ARID1B: variants seen among roughly 807,000 people sequenced by gnomAD.
The protein encoded by ARID1B is AT-rich interactive domain-containing protein 1B.
A neutral mutation model predicts 212.3 loss-of-function variants in ARID1B; 30 were observed. That is an observed-to-expected ratio of 0.14 (90% CI 0.11 to 0.19). The LOEUF is 0.19. Ranked by LOEUF, ARID1B falls within the 10% of genes least tolerant of loss-of-function variation. The pLI, the probability that ARID1B is intolerant of heterozygous loss-of-function variation, is 1.00. For synonymous variants in ARID1B, 1,402 were observed against 1,301.7 expected, an observed-to-expected ratio of 1.08 and a Z score of -1.66; for missense variants, 2,891 against 3,204.0, an observed-to-expected ratio of 0.90 and a Z score of 2.36.
chr6:157,170,616 C>T lies in ARID1B; in HGVS notation c.3236-3392C>T, dbSNP rs1291080458. On this transcript the variant is annotated intron_variant, in intron 9 of 19. Coordinates refer to ENST00000636930, the MANE Select transcript of ARID1B (RefSeq NM_001374828.1). The stretch of plus-strand genomic sequence containing the variant: ...GCCAAAGTATGTGGATGGCTCCAGA[C>T]TCTGTAGGTGGCTGGGGGAGCTGGT... 2.0e-5 allele frequency among the ~76,000 whole-genome samples: 3 copies of T among 152,188 alleles called. No individual in the cohort carries two copies. In the East Asian group the frequency reaches 5.8e-4, roughly 29 times the overall value.
chr6:157,120,682 G>A (rs1787648714), intron 6 of ARID1B, among the ~76,000 whole-genome samples: 1 of 152,216 alleles, frequency 6.6e-6, no homozygotes, highest in African/African-American at 2.4e-5. Context: ...GGCGTGGTAT[G>A]TAACCGTGGC....
intron 6 of ARID1B, among the ~76,000 whole-genome samples, chr6:157,114,523 CAAAAAAAAAAA>C (rs111845551): frequency 2.0e-4 from 10 of 50,412 alleles, no homozygotes; most frequent in African/African-American, 2.7e-4. Flanking sequence ...CACTCCGTCT[CAAAAAAAAAAA>C]AAAAAAAAAA....
Position 157,148,767 on chromosome 6 carries a change from A to G in ARID1B, c.2905A>G (p.Met969Val), listed in dbSNP as rs749701314. ...QPCGAVPLGR[M>V]PSAGMQNRPF... ...ATGTGGTGCTGTGCCCCTGGGACGA[A>G]TGCCATCAGCTGGGATGCAGAACAG... is the stretch of plus-strand genomic sequence containing the variant. Residue 969 changes from methionine (M) to valine (V), a missense_variant, in exon 8 of 20, where the codon ATG becomes GTG. Physicochemically the swap from Met to Val is conservative, Grantham distance 21 (BLOSUM62 1). Coordinates refer to ENST00000636930, the MANE Select transcript of ARID1B (RefSeq NM_001374828.1). This position sits in a 1 kb window ranked among gnomAD's most constrained non-coding sequence, Gnocchi z 5.6. 3.1e-6 allele frequency: 5 copies of G among 1,613,260 alleles called. No individual in the cohort carries two copies. Among genetic ancestry groups the G allele is most frequent in the African/African-American group, 2.7e-5 (2 of 75,054 alleles).
chr6:156,907,596 ACTTTTCGAGC>A (rs1293218022), intron 3 of ARID1B, among the ~76,000 whole-genome samples: 2 of 152,092 alleles, frequency 1.3e-5, no homozygotes, highest in East Asian at 3.9e-4. Flanking sequence ...TGGTATCTGT[ACTTTTCGAGC>A]TTTGAAAATG....
chr6:156,912,788 C>G (rs1789999841), intron 3 of ARID1B, among the ~76,000 whole-genome samples: 1 of 152,206 alleles, frequency 6.6e-6, no homozygotes, highest in South Asian at 2.1e-4. Flanking sequence ...TTGGTCCACT[C>G]AAGTTCTTGG....
intron 3 of ARID1B, among the ~76,000 whole-genome samples, chr6:156,905,513 G>T (rs921789201): frequency 2.0e-5 from 3 of 152,176 alleles, no homozygotes; most frequent in African/African-American, 7.2e-5. Context: ...CAGAGTCTCC[G>T]TTGAAATTGT....
At chr6:157,040,233 C>T (rs557231027) in intron 4 of ARID1B, among the ~76,000 whole-genome samples, 29 of 152,324 alleles carry the variant, frequency 1.9e-4, no homozygotes, top group African/African-American at 6.5e-4. Flanking sequence ...CCACTGTGCT[C>T]GGCCAGAATT....
chr6:157,123,176 ATCTTTCTCTGTC>A (rs1438556229), intron 6 of ARID1B, among the ~76,000 whole-genome samples: 8 of 149,110 alleles, frequency 5.4e-5, no homozygotes, highest in Non-Finnish European at 8.9e-5. Flanking sequence ...GGATTTTGAG[ATCTTTCTCTGTC>A]TCTGTCTCTG....
intron 3 of ARID1B, chr6:156,901,731 G>C: frequency 1.5e-6 from 1 of 662,174 alleles, no homozygotes; most frequent in South Asian, 2.0e-5. Flanking sequence ...AAGAATGACT[G>C]GTTTAATAGC....
At chr6:156,878,751 G>A (rs1012785914) in intron 2 of ARID1B, among the ~76,000 whole-genome samples, 1 of 152,232 alleles carries the variant, frequency 6.6e-6, no homozygotes, top group East Asian at 1.9e-4. Context: ...AGGGTTCATA[G>A]CTTGGGCAGC....
chr6:156,871,831 C>G (rs367963856), intron 2 of ARID1B, among the ~76,000 whole-genome samples: 3 of 152,164 alleles, frequency 2.0e-5, no homozygotes, highest in Non-Finnish European at 4.4e-5. Context: ...CAGGTCCTTC[C>G]AGGGCCTCCT....
rs78995960 is a variant in ARID1B at position 156,871,870 on chromosome 6, G to A, written c.1987-29506G>A. 0.052 allele frequency among the ~76,000 whole-genome samples: 7,886 copies of A among 152,162 alleles called. 697 individuals carry two copies. The highest frequency in any genetic ancestry group is 0.18 in the African/African-American group (7,293 of 41,450). ...ACTGGGCTCATTGTAAGTTACAAGA[G>A]CATTCACTTCTGGTTTTCCTTCTTG... On this transcript the variant is annotated intron_variant, in intron 2 of 19. Transcript: ENST00000636930.
chr6:156,969,096 T>C (rs1262660999), intron 4 of ARID1B, among the ~76,000 whole-genome samples: 1 of 152,234 alleles, frequency 6.6e-6, no homozygotes, highest in Non-Finnish European at 1.5e-5. Context: ...TTCAATTTAC[T>C]ATATTTCTGG....
intron 1 of ARID1B, among the ~76,000 whole-genome samples, chr6:156,817,632 T>TAA (rs551182557): frequency 0.25 from 37,312 of 147,336 alleles, 5,022 homozygotes; most frequent in Middle Eastern, 0.33. Flanking sequence ...GTCTGACTCT[T>TAA]AAAAAAAAAA....
Position 156,924,099 on chromosome 6 carries a change from T to C in ARID1B, c.2137-11367T>C, listed in dbSNP as rs112140754. 3.4e-3 allele frequency among the ~76,000 whole-genome samples: 524 copies of C among 152,356 alleles called. 3 individuals are homozygous for C. The highest frequency in any genetic ancestry group is 0.012 in the African/African-American group (509 of 41,578). The stretch of plus-strand genomic sequence containing the variant: ...CTAATTGCTTGAAGGCAGTGTGTCA[T>C]GATCATGAATACAACCTTAGAAGGT... On this transcript the variant is annotated intron_variant, in intron 3 of 19. Transcript: ENST00000636930.
intron 2 of ARID1B, among the ~76,000 whole-genome samples, chr6:156,866,626 T>G (rs966461740): frequency 1.3e-5 from 2 of 152,200 alleles, no homozygotes; most frequent in South Asian, 4.1e-4. Context: ...ATCCAGAGTC[T>G]CTTTAGGTTA....
At chr6:156,940,390 C>T (rs1792577176) in intron 4 of ARID1B, 1 of 152,176 alleles carries the variant, frequency 6.6e-6, no homozygotes, top group Non-Finnish European at 1.5e-5. Flanking sequence ...TTGAATAGTG[C>T]TTATGGCACT....
At chr6:156,959,925 CTTTTTTT>C (rs138881152) in intron 4 of ARID1B, among the ~76,000 whole-genome samples, 1 of 122,576 alleles carries the variant, frequency 8.2e-6, no homozygotes, top group Non-Finnish European at 1.7e-5. Flanking sequence ...TTGTCAGCTT[CTTTTTTT>C]TTTTTTTTTT....
chr6:157,079,875 A>G (rs1784534729), intron 4 of ARID1B, among the ~76,000 whole-genome samples: 1 of 152,188 alleles, frequency 6.6e-6, no homozygotes, highest in Admixed American at 6.5e-5. Context: ...GAAAAAGTAC[A>G]CGGTTTTATT....
Sources: gnomAD v4.1 joint callset for allele counts (sites outside exome capture counted in the v4.1 genomes callset) on GRCh38, gnomAD v4.1.1 for gene constraint, Gnocchi (gnomAD v3.1) non-coding constraint, MANE v1.5 for transcripts, NCBI Gene and HGNC (gene_info 2026-07-23, HGNC 2026-07-21) for gene names.